ERBB4: variants seen among roughly 807,000 people sequenced by gnomAD.
ERBB4 encodes the protein receptor tyrosine-protein kinase erbB-4.
ERBB4 carries 42 observed loss-of-function variants against 158.0 expected under a neutral mutation model. The observed-to-expected ratio is 0.27, with a 90% CI of 0.21 to 0.34. The LOEUF is 0.34. Ranked by LOEUF, ERBB4 falls within the 10% of genes least tolerant of loss-of-function variation. ERBB4 has a pLI of 1.00. For missense variants in ERBB4, 1,333 were observed against 1,624.1 expected (o/e 0.82, Z 3.08); for synonymous variants, 583 against 558.7 (o/e 1.04, Z -0.61).
At chr2:211,403,579 TAC>T (rs771714179) in intron 25 of ERBB4, among the ~76,000 whole-genome samples, 15 of 152,146 alleles carry the variant, frequency 9.9e-5, no homozygotes, top group Non-Finnish European at 1.8e-4. Context: ...CCTCCTTGCC[TAC>T]AGTCTTATCT....
At chr2:211,468,106 A>G (rs754398224) in intron 20 of ERBB4, among the ~76,000 whole-genome samples, 1 of 152,108 alleles carries the variant, frequency 6.6e-6, no homozygotes, top group Non-Finnish European at 1.5e-5. Context: ...TTGGACATCC[A>G]CTCTACAACG....
chr2:212,186,552 T>C (rs1181808119), intron 1 of ERBB4, among the ~76,000 whole-genome samples: 1 of 152,146 alleles, frequency 6.6e-6, no homozygotes, highest in Non-Finnish European at 1.5e-5. Context: ...CGACCTGATT[T>C]TAACCAAATT....
At chr2:212,210,702 G>A (rs2105925870) in intron 1 of ERBB4, among the ~76,000 whole-genome samples, 1 of 152,072 alleles carries the variant, frequency 6.6e-6, no homozygotes, top group South Asian at 2.1e-4. Context: ...GTCAGATAAT[G>A]GATATTTTGA....
At chr2:212,532,465 C>T (rs905769552) in intron 1 of ERBB4, among the ~76,000 whole-genome samples, 2 of 148,824 alleles carry the variant, frequency 1.3e-5, no homozygotes, top group East Asian at 3.9e-4. Context: ...AAAAGAGGTC[C>T]ACTTACAAAA....
In ERBB4 at chr2:212,503,056, C is replaced by A. The variant is rs1690981666; in HGVS notation, c.82+35393G>T. On this transcript the variant is annotated intron_variant, in intron 1 of 27. Coordinates refer to ENST00000342788, the MANE Select transcript of ERBB4 (RefSeq NM_005235.3). ...GGGATTACAAAGGCAACCTTCCATTCTTTTTCCCCCATTTGGCCTCAGACT... is the reference window on the plus strand; with the variant it reads ...GGGATTACAAAGGCAACCTTCCATTATTTTTCCCCCATTTGGCCTCAGACT... Among the ~76,000 whole-genome samples the A allele has an allele frequency of 3.3e-5, 5 of 152,192 alleles. No individual in the cohort carries two copies. In the South Asian group the frequency reaches 6.2e-4, roughly 19 times the overall value.
intron 2 of ERBB4, among the ~76,000 whole-genome samples, chr2:212,036,824 A>G (rs2077025979): frequency 6.6e-6 from 1 of 152,130 alleles, no homozygotes; most frequent in Non-Finnish European, 1.5e-5. Flanking sequence ...TTAAAAAAAT[A>G]CTAACAACTA....
At chr2:211,454,505 G>A (rs1463393858) in intron 20 of ERBB4, among the ~76,000 whole-genome samples, 1 of 152,134 alleles carries the variant, frequency 6.6e-6, no homozygotes, top group East Asian at 1.9e-4. Context: ...ACTGATGCTA[G>A]AGACCCTCAA....
At chr2:212,366,047 T>C (rs938169546) in intron 1 of ERBB4, among the ~76,000 whole-genome samples, 3 of 151,994 alleles carry the variant, frequency 2.0e-5, no homozygotes, top group East Asian at 1.9e-4. Flanking sequence ...AATTTTGATA[T>C]GTCATTCAGT....
intron 2 of ERBB4, among the ~76,000 whole-genome samples, chr2:211,972,840 C>A (rs2081492900): frequency 1.3e-5 from 2 of 152,126 alleles, no homozygotes; most frequent in Admixed American, 1.3e-4. Context: ...AGGACACAGA[C>A]ACAGGCAAAG....
At chr2:211,453,696 G>A (rs1024495534) in intron 20 of ERBB4, among the ~76,000 whole-genome samples, 2 of 152,190 alleles carry the variant, frequency 1.3e-5, no homozygotes, top group African/African-American at 4.8e-5. Context: ...GTCTGTAGCA[G>A]ACAGGCAGAC....
At chr2:211,609,374 G>GCTTC (rs2069105936) in intron 19 of ERBB4, among the ~76,000 whole-genome samples, 1 of 152,138 alleles carries the variant, frequency 6.6e-6, no homozygotes, top group East Asian at 1.9e-4. Context: ...CAAGAATTTA[G>GCTTC]ACAGACAGGC....
chr2:211,794,426 G>T (rs992255696), intron 3 of ERBB4, among the ~76,000 whole-genome samples: 1 of 151,946 alleles, frequency 6.6e-6, no homozygotes, highest in African/African-American at 2.4e-5. Flanking sequence ...GTCCCTCAAG[G>T]ATTAGAACTA....
chr2:211,770,407 A>T (rs914596512), intron 4 of ERBB4, among the ~76,000 whole-genome samples: 2 of 152,240 alleles, frequency 1.3e-5, no homozygotes, highest in African/African-American at 4.8e-5. Context: ...ATTTTAAAAA[A>T]TGTTAGGAGT....
chr2:212,078,926 T>C (rs1239830378), intron 2 of ERBB4, among the ~76,000 whole-genome samples: 1 of 151,058 alleles, frequency 6.6e-6, no homozygotes, highest in East Asian at 1.9e-4. Flanking sequence ...ATAAATGGAG[T>C]CATAATATAC....
Position 211,386,830 on chromosome 2 carries a change from G to A in ERBB4, c.3481+23C>T, listed in dbSNP as rs753460430. The A allele has an allele frequency of 8.7e-6, 14 of 1,611,646 alleles. No homozygotes were observed. In the Admixed American group the frequency reaches 1.3e-4, roughly 15 times the overall value. On this transcript the variant is annotated intron_variant, in intron 27 of 27. Transcript: ENST00000342788. Reference sequence around the variant, plus strand: ...TGGAAGTGAACTTCGAATGGCGATCGTTTCTGAATAATCAGTTCATACCTT... The same window carrying A: ...TGGAAGTGAACTTCGAATGGCGATCATTTCTGAATAATCAGTTCATACCTT...
chr2:211,596,827 C>A (rs573966616), intron 19 of ERBB4, among the ~76,000 whole-genome samples: 2 of 152,002 alleles, frequency 1.3e-5, no homozygotes, highest in African/African-American at 4.8e-5. Flanking sequence ...TGCAATGGCA[C>A]GATCTAGGCT....
At chr2:211,634,367 CTAT>C (rs1318085606) in intron 16 of ERBB4, among the ~76,000 whole-genome samples, 3 of 151,892 alleles carry the variant, frequency 2.0e-5, no homozygotes, top group Non-Finnish European at 4.4e-5. Flanking sequence ...CATTTGATTA[CTAT>C]TATGTTTCTT....
chr2:212,166,169 G>C (rs2081341215), intron 1 of ERBB4, among the ~76,000 whole-genome samples: 1 of 151,872 alleles, frequency 6.6e-6, no homozygotes, highest in African/African-American at 2.4e-5. Flanking sequence ...AAAGAAAATA[G>C]ACACAGTCCC....
chr2:212,425,571 G>A (rs575640536), intron 1 of ERBB4, among the ~76,000 whole-genome samples: 27 of 151,440 alleles, frequency 1.8e-4, no homozygotes, highest in African/African-American at 6.5e-4. Flanking sequence ...TAACATAATT[G>A]CAATTTGGTC....
Sources: allele counts gnomAD v4.1 joint callset (sites outside exome capture counted in the v4.1 genomes callset), GRCh38; gene constraint gnomAD v4.1.1; transcripts MANE v1.5; gene names NCBI Gene and HGNC (gene_info 2026-07-23, HGNC 2026-07-21).